Variants in RNGTT observed in about 807,000 individuals in gnomAD.
RNGTT encodes mRNA-capping enzyme.
Under a neutral mutation model 79.3 loss-of-function variants are expected in RNGTT, and 33 were observed. The ratio of observed to expected loss-of-function variants is 0.42; its 90% confidence interval spans 0.32 to 0.56. The LOEUF (loss-of-function observed/expected upper bound fraction) is 0.56. Among genes scored for constraint, RNGTT ranks in the 20% least tolerant of loss-of-function variants. The pLI, the probability that RNGTT is intolerant of heterozygous loss-of-function variation, is 0.17. For synonymous variants in RNGTT, 222 were observed against 235.9 expected (o/e 0.94, Z 0.54); for missense variants, 497 against 739.1 (o/e 0.67, Z 3.80).
Position 88,815,550 on chromosome 6 carries a change from C to T in RNGTT, c.1270-13918G>A, listed in dbSNP as rs187485785. ...GCTGGTATCTGAAGCAAGGACCATG[C>T]GGTTGGCCTAAACGTATTCCAATAG... On this transcript the variant is annotated intron_variant, in intron 11 of 15. Coordinates refer to ENST00000369485, the MANE Select transcript of RNGTT (RefSeq NM_003800.5). Among the ~76,000 whole-genome samples, 25 of 152,264 alleles carry T rather than the reference C, an allele frequency of 1.6e-4. No individual in the cohort carries two copies. In the East Asian group the frequency reaches 4.1e-3, roughly 25 times the overall value.
intron 13 of RNGTT, among the ~76,000 whole-genome samples, chr6:88,762,671 T>A (rs1043991744): frequency 6.6e-6 from 1 of 152,308 alleles, no homozygotes; most frequent in Admixed American, 6.5e-5. Context: ...GTGGTCTTTT[T>A]AAAAAATAGT....
chr6:88,712,138 T>C (rs9294413), intron 13 of RNGTT, among the ~76,000 whole-genome samples: 82,690 of 152,018 alleles, frequency 0.54, 23,955 homozygotes, highest in African/African-American at 0.75. Flanking sequence ...TAATCTAAAA[T>C]ATGTACTTGA....
chr6:88,667,467 G>A (rs1248545707), intron 14 of RNGTT, among the ~76,000 whole-genome samples: 1 of 152,166 alleles, frequency 6.6e-6, no homozygotes, highest in South Asian at 2.1e-4. Context: ...CAACCATCCC[G>A]CTCAGCATAC....
chr6:88,811,315 A>G (rs1289809124), intron 11 of RNGTT, among the ~76,000 whole-genome samples: 1 of 152,192 alleles, frequency 6.6e-6, no homozygotes, highest in African/African-American at 2.4e-5. Context: ...TACTTTTCAT[A>G]AGGTTTTTCC....
intron 13 of RNGTT, among the ~76,000 whole-genome samples, chr6:88,730,588 C>CT (rs1215481013): frequency 6.6e-6 from 1 of 152,240 alleles, no homozygotes; most frequent in Non-Finnish European, 1.5e-5. Context: ...CAACAAGAAT[C>CT]TAAGGCTGCC....
chr6:88,906,357 A>G lies in RNGTT; in HGVS notation c.443+8T>C. 1.9e-6 allele frequency: 3 copies of G among 1,552,254 alleles called. No individual in the cohort carries two copies. Among genetic ancestry groups the G allele is most frequent in the African/African-American group, 1.4e-5 (1 of 72,448 alleles). ...AATACATCTTCCATTATAACAAGAT[A>G]CAAATACCTCCAATCCATTTTCTCC... On this transcript the variant is annotated splice_region_variant and intron_variant, in intron 5 of 15. Coordinates refer to ENST00000369485, the MANE Select transcript of RNGTT (RefSeq NM_003800.5).
chr6:88,949,856 G>C (rs146152633), intron 1 of RNGTT, among the ~76,000 whole-genome samples: 2 of 152,352 alleles, frequency 1.3e-5, no homozygotes, highest in East Asian at 3.9e-4. Flanking sequence ...TAAGATAATT[G>C]ATGAACATGG....
chr6:88,792,135 C>G (rs1779444239), intron 12 of RNGTT, among the ~76,000 whole-genome samples: 1 of 152,124 alleles, frequency 6.6e-6, no homozygotes, highest in Non-Finnish European at 1.5e-5. Context: ...ATATTAAAAA[C>G]TAGAAATAGA....
intron 8 of RNGTT, among the ~76,000 whole-genome samples, chr6:88,875,649 A>G (rs1164403575): frequency 2.6e-5 from 4 of 152,158 alleles, no homozygotes; most frequent in African/African-American, 4.8e-5. Flanking sequence ...GCTATCTTAC[A>G]GCGTTGTGAG....
At position 88,944,619 on chromosome 6, in the gene RNGTT, GC is replaced by G. The variant is rs1305923989; in HGVS notation, c.65-3440del. Among the ~76,000 whole-genome samples, 4 of 148,506 alleles carry G rather than the reference GC, an allele frequency of 2.7e-5. No homozygotes were observed. The East Asian group carries it at 7.9e-4, about 29-fold the overall frequency. ...CTCATTTCCATCAGCATTTAAATAA[GC>G]CCTAAACTCTCCCTTATCCCCCAAC... On this transcript the variant is annotated intron_variant, in intron 1 of 15. Transcript: ENST00000369485.
intron 13 of RNGTT, among the ~76,000 whole-genome samples, chr6:88,724,311 A>T (rs1442712902): frequency 6.6e-6 from 1 of 152,168 alleles, no homozygotes; most frequent in African/African-American, 2.4e-5. Flanking sequence ...GTACCATTTT[A>T]AAAAATCTTT....
intron 13 of RNGTT, among the ~76,000 whole-genome samples, chr6:88,738,621 G>A (rs140708817): frequency 6.6e-6 from 1 of 152,078 alleles, no homozygotes; most frequent in African/African-American, 2.4e-5. Context: ...ACTCCAGCCT[G>A]GGTGACAGAG....
intron 11 of RNGTT, among the ~76,000 whole-genome samples, chr6:88,838,634 G>T (rs1249227456): frequency 2.0e-5 from 3 of 152,038 alleles, no homozygotes; most frequent in Non-Finnish European, 4.4e-5. Flanking sequence ...GAAAATATAT[G>T]CCAGGTTGAT....
At chr6:88,816,524 A>T (rs1780319847) in intron 11 of RNGTT, among the ~76,000 whole-genome samples, 2 of 152,220 alleles carry the variant, frequency 1.3e-5, no homozygotes, top group African/African-American at 4.8e-5. Flanking sequence ...CAAAACCCAT[A>T]GCACATAATG....
chr6:88,613,121 T>C lies in RNGTT; in HGVS notation c.1631-239A>G, dbSNP rs117941826. Among the ~76,000 whole-genome samples the C allele has an allele frequency of 5.7e-3, 874 of 152,366 alleles. 3 individuals are homozygous for C. Among genetic ancestry groups the C allele is most frequent in the South Asian group, 0.014 (67 of 4,830 alleles). ...ACCAAAACTTTAAATGTTTGGGCTATAAGCATGTCTTCCCCACGGTTTTCT... is the reference window on the plus strand; with the variant it reads ...ACCAAAACTTTAAATGTTTGGGCTACAAGCATGTCTTCCCCACGGTTTTCT... On this transcript the variant is annotated intron_variant, in intron 15 of 15. Coordinates refer to ENST00000369485, the MANE Select transcript of RNGTT (RefSeq NM_003800.5).
intron 11 of RNGTT, among the ~76,000 whole-genome samples, chr6:88,804,592 G>C (rs1002950459): frequency 1.3e-5 from 2 of 152,064 alleles, no homozygotes; most frequent in Non-Finnish European, 2.9e-5. Context: ...TAAGAATAGA[G>C]ATGTAATCTA....
chr6:88,950,986 G>C (rs1010740256), intron 1 of RNGTT, among the ~76,000 whole-genome samples: 25 of 151,888 alleles, frequency 1.6e-4, no homozygotes, highest in African/African-American at 5.8e-4. Flanking sequence ...AGCCTCATGA[G>C]TAGCTGGGTT....
At chr6:88,682,754 C>T (rs970245363) in intron 13 of RNGTT, among the ~76,000 whole-genome samples, 2 of 152,086 alleles carry the variant, frequency 1.3e-5, no homozygotes, top group Non-Finnish European at 2.9e-5. Flanking sequence ...CTTCCTCCCA[C>T]ATAAAGCAAA....
At chr6:88,908,187 A>G (rs1783717799) in intron 4 of RNGTT, among the ~76,000 whole-genome samples, 1 of 152,256 alleles carries the variant, frequency 6.6e-6, no homozygotes, top group Non-Finnish European at 1.5e-5. Flanking sequence ...GCAAGCTTAG[A>G]GTAGAAAAAG....
Sources: gnomAD v4.1 joint callset for allele counts (sites outside exome capture counted in the v4.1 genomes callset) on GRCh38, gnomAD v4.1.1 for gene constraint, MANE v1.5 for transcripts, NCBI Gene and HGNC (gene_info 2026-07-23, HGNC 2026-07-21) for gene names.